The following PKLR variants were observed in gnomAD, a reference collection of about 807,000 sequenced individuals.
PKLR encodes pyruvate kinase PKLR.
Under a neutral mutation model 53.6 loss-of-function variants are expected in PKLR, and 38 were observed. The observed-to-expected ratio is 0.71, with a 90% CI of 0.55 to 0.93. PKLR has a LOEUF of 0.93. Ranked by LOEUF, PKLR falls within the 40% of genes least tolerant of loss-of-function variation. PKLR has a pLI of 0.00. For synonymous variants in PKLR, 328 were observed against 316.2 expected, an observed-to-expected ratio of 1.04 and a Z score of -0.39; for missense variants, 702 against 787.3, an observed-to-expected ratio of 0.89 and a Z score of 1.30.
Position 155,294,379 on chromosome 1 carries a change from A to G in PKLR, c.972T>C (p.Asp324=), listed in dbSNP as rs8177974. ...IENHEGVKRF[D]EILEVSDGIM... is the part of the protein sequence containing the mutation. Reference sequence around the variant, plus strand: ...TGCCGTCGCTCACCTCCAGGATTTCATCAAACCTGAGAGGTTGGGAGAATC... The same window carrying G: ...TGCCGTCGCTCACCTCCAGGATTTCGTCAAACCTGAGAGGTTGGGAGAATC... The change falls in exon 7 of 11, where the codon GAT becomes GAC. Residue 324 remains aspartate (D), a synonymous_variant. Transcript: ENST00000342741. 395 of 1,614,172 alleles carry G rather than the reference A, an allele frequency of 2.4e-4. 3 individuals carry two copies. In the South Asian group the frequency reaches 4.0e-3, roughly 16 times the overall value.
At position 155,295,343 on chromosome 1, in the gene PKLR, GA is replaced by G. The variant is rs772750966; in HGVS notation, c.508-42del. On this transcript the variant is annotated intron_variant, in intron 4 of 10. Transcript: ENST00000342741. This position sits in a 1 kb window ranked among gnomAD's most constrained non-coding sequence, Gnocchi z 4.3. ...GAGGAGATGTGAGTTCTGAGCCCCGGAGTCCGGGACCCGCCCCTGCCCACGC... is the reference window on the plus strand; with the variant it reads ...GAGGAGATGTGAGTTCTGAGCCCCGGGTCCGGGACCCGCCCCTGCCCACGC... The G allele has an allele frequency of 6.2e-6, 10 of 1,613,164 alleles. No homozygotes were observed. Among genetic ancestry groups the G allele is most frequent in the Non-Finnish European group, 7.6e-6 (9 of 1,179,582 alleles).
intron 9 of PKLR, among the ~76,000 whole-genome samples, chr1:155,292,777 C>T (rs1647290755): frequency 6.6e-6 from 1 of 152,032 alleles, no homozygotes; most frequent in Non-Finnish European, 1.5e-5. Flanking sequence ...TCCTGCCAAC[C>T]CCATGAAGAA....
intron 1 of PKLR, 45 bp downstream of exon 1, chr1:155,301,251 C>T: frequency 3.1e-6 from 5 of 1,609,832 alleles, no homozygotes; most frequent in Non-Finnish European, 4.3e-6. Flanking sequence ...AGTTTTCACC[C>T]TCATTTTCCT....
chr1:155,308,527 A>G, the PKLR span: 1 of 983,100 alleles, frequency 1.0e-6, no homozygotes, highest in Non-Finnish European at 1.2e-6. Flanking sequence ...ATAAGTGAGA[A>G]AGCTAGTCCT....
At chr1:155,294,814 G>C in intron 5 of PKLR, 62 bp from the exon 6 acceptor site, 3 of 1,592,486 alleles carry the variant, frequency 1.9e-6, no homozygotes, top group Non-Finnish European at 2.6e-6. Context: ...TTGCAGCAGA[G>C]AGGACACTGG....
chr1:155,305,660 T>C (rs2148224806), upstream of PKLR, among the ~76,000 whole-genome samples: 1 of 152,210 alleles, frequency 6.6e-6, no homozygotes, highest in South Asian at 2.1e-4. Context: ...TACAGGGCCT[T>C]CCTCTGTAGC....
At chr1:155,307,529 C>T in the PKLR span, among the ~76,000 whole-genome samples, 3 of 152,154 alleles carry the variant, frequency 2.0e-5, no homozygotes, top group African/African-American at 7.2e-5. Flanking sequence ...AGAAACTGGC[C>T]AAAACCTACC....
chr1:155,293,157 A>C lies in PKLR; in HGVS notation c.1436+20T>G. 1 of 1,585,490 alleles carries C rather than the reference A, an allele frequency of 6.3e-7. No homozygotes were observed. On this transcript the variant is annotated intron_variant, in intron 9 of 10. Coordinates refer to ENST00000342741, the MANE Select transcript of PKLR (RefSeq NM_000298.6). The surrounding 1 kb of genome is among the most constrained non-coding windows in gnomAD (Gnocchi z 4.2). Reference sequence around the variant, plus strand: ...CCCTGACCCAAAGCTCCATCTGGACATTCCCAATATCCCCCTCACCGGCCA... The same window carrying C: ...CCCTGACCCAAAGCTCCATCTGGACCTTCCCAATATCCCCCTCACCGGCCA...
At chr1:155,308,558 C>A in the PKLR span, 1 of 985,386 alleles carries the variant, frequency 1.0e-6, no homozygotes, top group African/African-American at 1.7e-5. Flanking sequence ...ACTAACGTGC[C>A]AATCAGCTGC....
rs1331269086 is a variant in PKLR, at chr1:155,300,154, A to G, written c.227T>C (p.Leu76Pro). The change falls in exon 2 of 11, where the codon CTG (leucine) becomes CCG (proline). Residue 76 changes from leucine (L) to proline (P), a missense_variant. Leu to Pro is a moderately conservative substitution (Grantham distance 98, BLOSUM62 -3). Transcript: ENST00000342741. Reference protein sequence around the residue: ...ADTFLEHLCLLDIDSEPVAAR... With the variant: ...ADTFLEHLCLPDIDSEPVAAR... ...AGCCACGGGCTCGGAGTCAATGTCC[A>G]GTAGGCAGAGGTGTTCCAGGAAGGT... 6.2e-7 allele frequency: 1 copy of G among 1,614,020 alleles called. No homozygotes were observed. Among genetic ancestry groups the G allele is most frequent in the South Asian group, 1.1e-5 (1 of 91,080 alleles).
At chr1:155,305,490 C>T (rs1430049470), upstream of PKLR, among the ~76,000 whole-genome samples, 1 of 152,156 alleles carries the variant, frequency 6.6e-6, no homozygotes, top group Non-Finnish European at 1.5e-5. Context: ...CATGGGGCCT[C>T]ATCTTTCTGT....
At chr1:155,303,877 A>G (rs1244923841), upstream of PKLR, among the ~76,000 whole-genome samples, 2 of 152,146 alleles carry the variant, frequency 1.3e-5, no homozygotes, top group African/African-American at 2.4e-5. Flanking sequence ...AAGGATGAGA[A>G]GGAACCGGTG....
At chr1:155,291,273 G>A (rs887118322) in intron 10 of PKLR, among the ~76,000 whole-genome samples, 4 of 151,806 alleles carry the variant, frequency 2.6e-5, no homozygotes, top group East Asian at 1.9e-4. Context: ...CGAGGCGGGC[G>A]GATCACGTGG....
rs1251646509 is a variant in PKLR, at chr1:155,293,383, G to A, written c.1270-40C>T. On this transcript the variant is annotated intron_variant, in intron 8 of 10. Coordinates refer to ENST00000342741, the MANE Select transcript of PKLR (RefSeq NM_000298.6). This position sits in a 1 kb window ranked among gnomAD's most constrained non-coding sequence, Gnocchi z 4.2. ...ATGTTAGTCTGGGAAGGGGCACTGG[G>A]GTATGGAAGGGATTTGGTTCCCTGG... 3.1e-6 allele frequency: 5 copies of A among 1,614,148 alleles called. No homozygotes were observed. In the African/African-American group the frequency reaches 4.0e-5, roughly 13 times the overall value.
Position 155,295,670 on chromosome 1 carries a change from G to T in PKLR, c.370C>A (p.His124Asn). 6.2e-7 allele frequency: 1 copy of T among 1,614,102 alleles called. No individual in the cohort carries two copies. Among genetic ancestry groups the T allele is most frequent in the Non-Finnish European group, 8.5e-7 (1 of 1,179,980 alleles). ...CCCGGCGGCCCGTCCCGCACCTCGT[G>T]GGAGCCGTGGGAGAAGTTGAGTCGC... ...IARLNFSHGS[H>N]EYHAESIANV... is the part of the protein sequence containing the mutation. Residue 124 changes from histidine (H) to asparagine (N), a missense_variant, in exon 3 of 11, where the codon CAC becomes AAC. Transcript: ENST00000342741. This position sits in a 1 kb window ranked among gnomAD's most constrained non-coding sequence, Gnocchi z 4.3.
At chr1:155,291,172 C>G (rs1674522618) in intron 10 of PKLR, among the ~76,000 whole-genome samples, 1 of 152,018 alleles carries the variant, frequency 6.6e-6, no homozygotes, top group East Asian at 1.9e-4. Context: ...CCACGGGTGG[C>G]ATGCAGGGAA....
rs1368000418 is a variant in PKLR, at chr1:155,290,306, G to C, written c.*266C>G. On this transcript the variant is annotated 3_prime_UTR_variant, in exon 11 of 11. Coordinates refer to ENST00000342741, the MANE Select transcript of PKLR (RefSeq NM_000298.6). ...GCCTGCTGAGCAGATTGGATGCAGG[G>C]AATGTACAATTGGTGCTGTTGGGTG... The C allele has an allele frequency of 1.9e-6, 1 of 525,836 alleles. No individual in the cohort carries two copies. The highest frequency in any genetic ancestry group is 1.9e-5 in the African/African-American group (1 of 52,204). 32.6% of individuals were successfully genotyped at this position (525,836 alleles called of 1,614,324 possible).
Position 155,295,372 on chromosome 1 carries a change from G to T in PKLR, c.507+65C>A. 1 of 1,612,940 alleles carries T rather than the reference G, an allele frequency of 6.2e-7. No homozygotes were observed. ...CCGGGACCCGCCCCTGCCCACGCCT[G>T]GGCCCAACCCTACAGGCGCCGCCTT... On this transcript the variant is annotated intron_variant, in intron 4 of 10. Transcript: ENST00000342741. This position sits in a 1 kb window ranked among gnomAD's most constrained non-coding sequence, Gnocchi z 4.3.
chr1:155,294,789 G>A (rs980488375), intron 5 of PKLR, 37 bp from the exon 6 acceptor site: 5 of 1,612,512 alleles, frequency 3.1e-6, no homozygotes, highest in South Asian at 1.1e-5. Context: ...GGTCAGGGGT[G>A]AGGACGGGGC....
Sources: gnomAD v4.1 joint callset for allele counts (sites outside exome capture counted in the v4.1 genomes callset) on GRCh38, gnomAD v4.1.1 for gene constraint, Gnocchi (gnomAD v3.1) non-coding constraint, MANE v1.5 for transcripts, NCBI Gene and HGNC (gene_info 2026-07-23, HGNC 2026-07-21) for gene names.